The following EPHA1 variants were observed in gnomAD, a reference collection of about 807,000 sequenced individuals.
EPHA1 encodes the protein ephrin type-A receptor 1.
EPHA1 carries 92 observed loss-of-function variants against 110.1 expected under a neutral mutation model. That is an observed-to-expected ratio of 0.84 (90% CI 0.71 to 0.99). The LOEUF is 0.99. Ranked by LOEUF, EPHA1 falls within the 50% of genes least tolerant of loss-of-function variation. EPHA1 has a pLI of 0.00. For synonymous variants in EPHA1, 500 were observed against 516.1 expected, an observed-to-expected ratio of 0.97 and a Z score of 0.42; for missense variants, 1,204 against 1,285.4, an observed-to-expected ratio of 0.94 and a Z score of 0.97.
rs376643332 is a variant in EPHA1 at position 143,396,447 on chromosome 7, G to T, written c.1835C>A (p.Ala612Asp). ...ATCAAGCTCCCGGGTAAAGTCCAGG[G>T]CTCCCTGTGCAGGGTCCTCGTATGC... ...LQAYEDPAQGALDFTRELDPA... is the reference protein window; with the variant it reads ...LQAYEDPAQGDLDFTRELDPA... The change falls in exon 11 of 18, where the codon GCC (alanine) becomes GAC (aspartate). Residue 612 changes from alanine (A) to aspartate (D), a missense_variant. Ala to Asp is a moderately radical substitution (Grantham distance 126). Transcript: ENST00000275815. 5.0e-6 allele frequency: 8 copies of T among 1,613,836 alleles called. No individual in the cohort carries two copies. The African/African-American group carries it at 6.7e-5, about 13-fold the overall frequency.
At chr7:143,397,392 G>C in intron 9 of EPHA1, 30 bp from the exon 10 acceptor site, 1 of 1,549,794 alleles carries the variant, frequency 6.5e-7, no homozygotes, top group Non-Finnish European at 8.7e-7. Flanking sequence ...GCTCCTTCAG[G>C]GCCCCAGGAC....
chr7:143,401,658 C>G lies in EPHA1; in HGVS notation c.151-53G>C. 2 of 1,578,524 alleles carry G rather than the reference C, an allele frequency of 1.3e-6. No homozygotes were observed. Among genetic ancestry groups the G allele is most frequent in the South Asian group, 2.3e-5 (2 of 86,158 alleles). On this transcript the variant is annotated intron_variant, in intron 2 of 17. Transcript: ENST00000275815. The surrounding 1 kb of genome is among the most constrained non-coding windows in gnomAD (Gnocchi z 4.1). ...CCAGATCATCCCCTGCTCCCCAAACCCTTGGTTTTTAGAGCTGATGGAGAA... is the reference window on the plus strand; with the variant it reads ...CCAGATCATCCCCTGCTCCCCAAACGCTTGGTTTTTAGAGCTGATGGAGAA...
chr7:143,391,507 G>T lies in EPHA1; in HGVS notation c.2881C>A (p.Pro961Thr). ...CAAAGAATGCGCTTCTGGTGCCCGG[G>T]CAGTGTGATTCCCATCTGCGTCAGG... is the stretch of plus-strand genomic sequence containing the variant. ...EDLTQMGITL[P>T]GHQKRILCSI... Residue 961 changes from proline (P) to threonine (T), a missense_variant, in exon 18 of 18, where the codon CCC (proline) becomes ACC (threonine). Coordinates refer to ENST00000275815, the MANE Select transcript of EPHA1 (RefSeq NM_005232.5). 1 of 1,614,182 alleles carries T rather than the reference G, an allele frequency of 6.2e-7. No individual in the cohort carries two copies. Among genetic ancestry groups the T allele is most frequent in the Non-Finnish European group, 8.5e-7 (1 of 1,180,030 alleles).
chr7:143,395,208 C>T lies in EPHA1; in HGVS notation c.2084-26G>A, dbSNP rs748006734. ...CTGAGACACAGACACACATATCACA[C>T]TCAGAACCGGGCTTCCTGCCCTTGG... On this transcript the variant is annotated intron_variant, in intron 12 of 17. Transcript: ENST00000275815. The surrounding 1 kb of genome is among the most constrained non-coding windows in gnomAD (Gnocchi z 4.7). 3 of 1,613,134 alleles carry T rather than the reference C, an allele frequency of 1.9e-6. No individual in the cohort carries two copies. The highest frequency in any genetic ancestry group is 2.5e-6 in the Non-Finnish European group (3 of 1,180,018).
chr7:143,406,591 C>G (rs1274379760), intron 2 of EPHA1, among the ~76,000 whole-genome samples: 1 of 152,202 alleles, frequency 6.6e-6, no homozygotes, highest in African/African-American at 2.4e-5. Flanking sequence ...TAGGTGACAA[C>G]ATGTTACTTG....
intron 6 of EPHA1, 42 bp downstream of exon 6, chr7:143,398,559 G>A (rs543327812): frequency 1.0e-5 from 16 of 1,606,560 alleles, no homozygotes; most frequent in Non-Finnish European, 1.2e-5. Context: ...AAGCCCTTCT[G>A]TCTCCACCAG....
intron 9 of EPHA1, 96 bp from the exon 10 acceptor site, chr7:143,397,458 T>C (rs1480540178): frequency 3.2e-6 from 5 of 1,586,942 alleles, no homozygotes; most frequent in African/African-American, 1.4e-5. Context: ...GGGCTGGGAG[T>C]GCAGGATGGG....
intron 2 of EPHA1, among the ~76,000 whole-genome samples, chr7:143,405,436 C>CGTGTGTGTGT (rs71523910): frequency 0.016 from 2,411 of 149,518 alleles, 64 homozygotes; most frequent in African/African-American, 0.056. Flanking sequence ...TGCATGTGTG[C>CGTGTGTGTGT]GTGTGTGTGT....
rs992454343 is a variant in EPHA1 at position 143,407,282 on chromosome 7, G to A, written c.150+329C>T. Among the ~76,000 whole-genome samples the A allele has an allele frequency of 2.0e-5, 3 of 151,990 alleles. No individual in the cohort carries two copies. The South Asian group carries it at 6.2e-4, about 31-fold the overall frequency. On this transcript the variant is annotated intron_variant, in intron 2 of 17. Coordinates refer to ENST00000275815, the MANE Select transcript of EPHA1 (RefSeq NM_005232.5). ...CTATCCCTCCCCAAGCAAAGCACTG[G>A]TCTCAGCCTTCAACCATCCCCAGCA...
intron 1 of EPHA1, among the ~76,000 whole-genome samples, chr7:143,408,054 A>G (rs1303681531): frequency 6.6e-6 from 1 of 152,172 alleles, no homozygotes. Flanking sequence ...TCTGCTAGCC[A>G]GGAGTGGGCA....
At chr7:143,396,272 ACC>A in intron 11 of EPHA1, 111 bp downstream of exon 11, 1 of 1,401,752 alleles carries the variant, frequency 7.1e-7, no homozygotes, top group Non-Finnish European at 9.5e-7. Context: ...AAACTCTTGG[ACC>A]AGAGAAGCCA....
Position 143,399,748 on chromosome 7 carries a change from G to A in EPHA1, c.738C>T (p.Arg246=). ...ACTCGCCATCAGGGCTGCAGTGCATGCGGGGTGCACCTGAGGGCCTGGGGC... is the reference window on the plus strand; with the variant it reads ...ACTCGCCATCAGGGCTGCAGTGCATACGGGGTGCACCTGAGGGCCTGGGGC... ...RASPRPSGAP[R]MHCSPDGEWL... The change falls in exon 4 of 18, where the codon CGC becomes CGT. Residue 246 remains arginine, a synonymous_variant. Transcript: ENST00000275815. 1 of 1,613,800 alleles carries A rather than the reference G, an allele frequency of 6.2e-7. No homozygotes were observed. Among genetic ancestry groups the A allele is most frequent in the South Asian group, 1.1e-5 (1 of 91,080 alleles).
chr7:143,407,635 C>A lies in EPHA1; in HGVS notation c.126G>T (p.Trp42Cys). The A allele has an allele frequency of 6.2e-7, 1 of 1,613,552 alleles. No individual in the cohort carries two copies. Among genetic ancestry groups the A allele is most frequent in the Non-Finnish European group, 8.5e-7 (1 of 1,179,718 alleles). The change falls in exon 2 of 18, where the codon TGG (tryptophan) becomes TGT (cysteine). Residue 42 changes from tryptophan to cysteine, a missense_variant. Trp to Cys is a radical substitution (Grantham distance 215). Transcript: ENST00000275815. ...CCCCATCTTTTGGGGGATCCAGCAG[C>A]CAGCCCAGCTCTCCCTGTGCCTTGC... The part of the protein sequence containing the change: ...DTSKAQGELG[W>C]LLDPPKDGWS...
At chr7:143,398,513 T>C in intron 6 of EPHA1, 65 bp from the exon 7 acceptor site, 1 of 1,609,958 alleles carries the variant, frequency 6.2e-7, no homozygotes, top group Non-Finnish European at 8.5e-7. Context: ...GTAACTTTTC[T>C]ATGGCTTCCT....
intron 5 of EPHA1, 116 bp from the exon 6 acceptor site, chr7:143,399,061 T>C (rs1805343729): frequency 8.1e-7 from 1 of 1,240,282 alleles, no homozygotes; most frequent in African/African-American, 1.5e-5. Flanking sequence ...CTTGGGGAGA[T>C]TTGATTTCTA....
intron 1 of EPHA1, chr7:143,408,012 T>C (rs1044110146): frequency 8.4e-5 from 16 of 190,422 alleles, no homozygotes; most frequent in Non-Finnish European, 1.5e-4. Context: ...AGCTGCAGGA[T>C]TGGAACGCGT....
intron 11 of EPHA1, 142 bp downstream of exon 11, chr7:143,396,243 G>T: frequency 8.4e-7 from 1 of 1,186,054 alleles, no homozygotes; most frequent in Non-Finnish European, 1.2e-6. Flanking sequence ...ACAGAGCAGA[G>T]CAGAGTGAGT....
chr7:143,406,728 C>T (rs1192833674), intron 2 of EPHA1, among the ~76,000 whole-genome samples: 1 of 152,116 alleles, frequency 6.6e-6, no homozygotes, highest in African/African-American at 2.4e-5. Flanking sequence ...GAAGAATCTG[C>T]CAGAGAGAAC....
chr7:143,395,558 G>C lies in EPHA1; in HGVS notation c.1898-54C>G. The C allele has an allele frequency of 6.3e-7, 1 of 1,583,818 alleles. No homozygotes were observed. The highest frequency in any genetic ancestry group is 8.6e-7 in the Non-Finnish European group (1 of 1,160,242). ...CGATGCACTGCAGGGCTCCTCCAGG[G>C]GACAGGCAGCAACCCCTCCAGTCCT... On this transcript the variant is annotated intron_variant, in intron 11 of 17. Transcript: ENST00000275815. The surrounding 1 kb of genome is among the most constrained non-coding windows in gnomAD (Gnocchi z 4.7).
Sources: gnomAD v4.1 joint callset for allele counts (sites outside exome capture counted in the v4.1 genomes callset) on GRCh38, gnomAD v4.1.1 for gene constraint, Gnocchi (gnomAD v3.1) non-coding constraint, MANE v1.5 for transcripts, NCBI Gene and HGNC (gene_info 2026-07-23, HGNC 2026-07-21) for gene names.